The following SPOCK3 variants were observed in gnomAD, a reference collection of about 807,000 sequenced individuals.
SPOCK3 encodes testican-3.
A neutral mutation model predicts 56.6 loss-of-function variants in SPOCK3; 30 were observed. That is an observed-to-expected ratio of 0.53 (90% CI 0.40 to 0.72). The LOEUF is 0.72. SPOCK3 is among the 30% of genes least tolerant of loss of function. The probability of loss-of-function intolerance (pLI) is 0.00; values close to 1 mark genes in which losing one functional copy is unlikely to be tolerated. For missense variants in SPOCK3, 527 were observed against 530.0 expected (o/e 0.99, Z 0.06); for synonymous variants, 196 against 183.3 (o/e 1.07, Z -0.56).
intron 6 of SPOCK3, among the ~76,000 whole-genome samples, chr4:166,835,175 A>T (rs1207680202): frequency 1.1e-4 from 16 of 152,132 alleles, no homozygotes; most frequent in Admixed American, 1.0e-3. Flanking sequence ...TTTCTGAACT[A>T]ATTGGCTATA....
At chr4:167,019,753 G>A (rs1288639991) in intron 3 of SPOCK3, among the ~76,000 whole-genome samples, 1 of 151,980 alleles carries the variant, frequency 6.6e-6, no homozygotes, top group Non-Finnish European at 1.5e-5. Context: ...TTCTTCTCCT[G>A]AACATTTCAT....
chr4:167,059,615 C>G (rs907157496), intron 3 of SPOCK3, among the ~76,000 whole-genome samples: 29 of 151,908 alleles, frequency 1.9e-4, no homozygotes, highest in African/African-American at 7.0e-4. Context: ...GGATCTAGAA[C>G]TAGAAATACC....
chr4:167,076,567 C>T (rs1412387489), intron 2 of SPOCK3, among the ~76,000 whole-genome samples: 1 of 151,786 alleles, frequency 6.6e-6, no homozygotes, highest in African/African-American at 2.4e-5. Context: ...TAATGAACTA[C>T]ACACAGTAGA....
At chr4:167,064,172 C>T (rs1180714366) in intron 2 of SPOCK3, among the ~76,000 whole-genome samples, 1 of 151,622 alleles carries the variant, frequency 6.6e-6, no homozygotes, top group Non-Finnish European at 1.5e-5. Context: ...CAGTTAATCA[C>T]TACCTTCTGT....
chr4:166,783,960 A>G (rs72984033), intron 7 of SPOCK3, among the ~76,000 whole-genome samples: 3,638 of 151,536 alleles, frequency 0.024, 106 homozygotes, highest in African/African-American at 0.069. Flanking sequence ...TAACCTCTTC[A>G]TTGTTTTTTT....
chr4:166,974,221 A>G (rs991063087), intron 4 of SPOCK3, among the ~76,000 whole-genome samples: 3 of 152,250 alleles, frequency 2.0e-5, no homozygotes, highest in South Asian at 2.1e-4. Context: ...TTACCTCATC[A>G]TGCAAAATCC....
intron 6 of SPOCK3, among the ~76,000 whole-genome samples, chr4:166,833,347 C>T (rs1458020321): frequency 6.6e-6 from 1 of 151,994 alleles, no homozygotes; most frequent in African/African-American, 2.4e-5. Flanking sequence ...CAATAAATGT[C>T]AGTTATGTCA....
At chr4:167,127,090 T>C (rs1244968272) in intron 2 of SPOCK3, among the ~76,000 whole-genome samples, 5 of 152,172 alleles carry the variant, frequency 3.3e-5, no homozygotes, top group African/African-American at 9.7e-5. Flanking sequence ...GATTGACTGA[T>C]TGATTGATAT....
At chr4:166,919,721 T>C (rs555164102) in intron 4 of SPOCK3, among the ~76,000 whole-genome samples, 10 of 152,172 alleles carry the variant, frequency 6.6e-5, no homozygotes, top group Non-Finnish European at 1.3e-4. Flanking sequence ...GGAGTTATAA[T>C]GGACAAGAAA....
At chr4:167,233,927 G>T in intron 2 of SPOCK3, 58 bp downstream of exon 2, 1 of 1,504,324 alleles carries the variant, frequency 6.6e-7, no homozygotes, top group Non-Finnish European at 9.2e-7. Flanking sequence ...GGCGGCCGCG[G>T]CCCCCGCCTC....
intron 4 of SPOCK3, among the ~76,000 whole-genome samples, chr4:166,968,092 T>G (rs1344982763): frequency 6.6e-6 from 1 of 152,166 alleles, no homozygotes; most frequent in Non-Finnish European, 1.5e-5. Flanking sequence ...TGGAAGAAGT[T>G]TCTAAGCAGC....
chr4:166,898,733 T>C (rs991444282), intron 5 of SPOCK3, among the ~76,000 whole-genome samples: 12 of 152,146 alleles, frequency 7.9e-5, no homozygotes, highest in Admixed American at 2.6e-4. Flanking sequence ...GTAAAGAAGT[T>C]TTCTTGTGGG....
chr4:166,874,377 C>T (rs1000684441), intron 6 of SPOCK3, among the ~76,000 whole-genome samples: 29 of 152,166 alleles, frequency 1.9e-4, no homozygotes, highest in African/African-American at 6.7e-4. Flanking sequence ...TTGTGGCAGG[C>T]AGGCTTGTTA....
chr4:166,922,489 C>T lies in SPOCK3; in HGVS notation c.351-9746G>A, dbSNP rs577544051. Among the ~76,000 whole-genome samples the T allele has an allele frequency of 3.3e-5, 5 of 152,252 alleles. No individual in the cohort carries two copies. The South Asian group carries it at 1.0e-3, about 32-fold the overall frequency. On this transcript the variant is annotated intron_variant, in intron 4 of 10. Transcript: ENST00000357545. ...CTTTTATATGTCTTGTCAATTCTAACAATCACCTATATAGTCATCTTTCCT... is the reference window on the plus strand; with the variant it reads ...CTTTTATATGTCTTGTCAATTCTAATAATCACCTATATAGTCATCTTTCCT...
chr4:166,791,091 T>C (rs1200684403), intron 7 of SPOCK3, among the ~76,000 whole-genome samples: 1 of 152,162 alleles, frequency 6.6e-6, no homozygotes, highest in Non-Finnish European at 1.5e-5. Context: ...AATTTCTTCA[T>C]GAAATTCATA....
At chr4:167,079,743 T>C (rs1757545593) in intron 2 of SPOCK3, among the ~76,000 whole-genome samples, 1 of 152,018 alleles carries the variant, frequency 6.6e-6, no homozygotes, top group Non-Finnish European at 1.5e-5. Flanking sequence ...TCAAACACTT[T>C]TAAGAAAAAG....
intron 6 of SPOCK3, among the ~76,000 whole-genome samples, chr4:166,812,861 C>T (rs1213652284): frequency 6.6e-6 from 1 of 151,948 alleles, no homozygotes; most frequent in Non-Finnish European, 1.5e-5. Flanking sequence ...ATTATGATTT[C>T]TTTCAAGTTC....
intron 6 of SPOCK3, among the ~76,000 whole-genome samples, chr4:166,797,070 T>C (rs563768567): frequency 4.6e-5 from 7 of 152,238 alleles, no homozygotes; most frequent in African/African-American, 1.4e-4. Context: ...TTATTTCAGA[T>C]TGAAGAGGAG....
chr4:167,006,784 T>A (rs1749513051), intron 3 of SPOCK3, among the ~76,000 whole-genome samples: 1 of 152,204 alleles, frequency 6.6e-6, no homozygotes, highest in African/African-American at 2.4e-5. Context: ...ATTCCGCCTC[T>A]TTTCCCAGGC....
Sources: allele counts gnomAD v4.1 joint callset (sites outside exome capture counted in the v4.1 genomes callset), GRCh38; gene constraint gnomAD v4.1.1; transcripts MANE v1.5; gene names NCBI Gene and HGNC (gene_info 2026-07-23, HGNC 2026-07-21).